ERN1: variants seen among roughly 807,000 people sequenced by gnomAD.
ERN1 encodes endoplasmic reticulum to nucleus signaling 1.
A neutral mutation model predicts 113.1 loss-of-function variants in ERN1; 39 were observed. That is an observed-to-expected ratio of 0.34 (90% CI 0.27 to 0.45). The LOEUF is 0.45. Among genes scored for constraint, ERN1 ranks in the 20% least tolerant of loss-of-function variants. The pLI is 1.00. For missense variants in ERN1, 976 were observed against 1,274.8 expected (o/e 0.77, Z 3.57); for synonymous variants, 507 against 515.9 (o/e 0.98, Z 0.23).
At chr17:64,124,746 T>C (rs1915036975) in intron 1 of ERN1, among the ~76,000 whole-genome samples, 1 of 152,154 alleles carries the variant, frequency 6.6e-6, no homozygotes, top group African/African-American at 2.4e-5. Flanking sequence ...AATGGATAAA[T>C]AAAATGTGGT....
chr17:64,075,184 G>C lies in ERN1; in HGVS notation c.346C>G (p.Leu116Val), dbSNP rs764351883. ...AGACAGGAACTCTTACCCATGTAGA[G>C]GATTCCATCTGAACTTCGGCATGGG... is the stretch of plus-strand genomic sequence containing the variant. ...ASPCRSSDGI[L>V]YMGKKQDIWY... Residue 116 changes from leucine to valine, a missense_variant, in exon 5 of 22, where the codon CTC becomes GTC. By Grantham distance (32) the Leu-to-Val change is conservative. Around this residue, in one of 5 missense-constraint regions of ERN1, gnomAD observed 459 missense variants for 581.2 expected, o/e 0.79. Transcript: ENST00000433197. 2.6e-6 allele frequency: 4 copies of C among 1,540,030 alleles called. No homozygotes were observed. The highest frequency in any genetic ancestry group is 3.5e-6 in the Non-Finnish European group (4 of 1,141,656).
At chr17:64,052,654 G>C in intron 17 of ERN1, 126 bp downstream of exon 17, 1 of 779,822 alleles carries the variant, frequency 1.3e-6, no homozygotes. Flanking sequence ...GAAGCTCTTG[G>C]TGAAAGGAAT....
rs1009646265 is a variant in ERN1, at chr17:64,075,271, A to G, written c.283-24T>C. 17 of 1,471,670 alleles carry G rather than the reference A, an allele frequency of 1.2e-5. No individual in the cohort carries two copies. The Admixed American group carries it at 2.0e-4, about 17-fold the overall frequency. 91.2% of individuals were successfully genotyped at this position (1,471,670 alleles called of 1,614,324 possible). A position where few individuals can be genotyped will look rare whatever the true frequency, so the allele number is the denominator to read the frequency against. On this transcript the variant is annotated intron_variant, in intron 4 of 21. Transcript: ENST00000433197. ...TTCTTTAAAAAAAAAAAAAAAGAAA[A>G]AAAAAAGTTAACCAAGTCTTGTGCA...
At chr17:64,100,394 C>A (rs9916414) in intron 1 of ERN1, among the ~76,000 whole-genome samples, 15,394 of 152,160 alleles carry the variant, frequency 0.1, 1,053 homozygotes, top group African/African-American at 0.2. Context: ...CCTCCACCCC[C>A]CAAAGTTACC....
intron 7 of ERN1, 179 bp from the exon 8 acceptor site, chr17:64,067,111 C>A (rs1598056146): frequency 1.5e-6 from 1 of 654,924 alleles, no homozygotes; most frequent in Admixed American, 2.9e-5. Context: ...TCTGTAATAT[C>A]AAGACACTGA....
At chr17:64,068,476 T>C (rs925294152) in intron 6 of ERN1, among the ~76,000 whole-genome samples, 185 bp from the exon 7 acceptor site, 2 of 152,226 alleles carry the variant, frequency 1.3e-5, no homozygotes, top group African/African-American at 4.8e-5. Context: ...TGAGTGAAAC[T>C]GGCTGACAGC....
At chr17:64,077,383 G>A (rs576960946) in intron 4 of ERN1, among the ~76,000 whole-genome samples, 3 of 152,188 alleles carry the variant, frequency 2.0e-5, no homozygotes, top group African/African-American at 7.2e-5. Flanking sequence ...CCACGTAACC[G>A]GCATCCAGGT....
In ERN1 at chr17:64,044,948, G is replaced by A; in HGVS notation, c.2654-21C>T. 6.6e-7 allele frequency: 1 copy of A among 1,526,320 alleles called. No individual in the cohort carries two copies. The highest frequency in any genetic ancestry group is 1.9e-5 in the Admixed American group (1 of 53,812). The allele number at this position is 1,526,320 out of a possible 1,614,324, so 94.5% of individuals were successfully genotyped here. ...CAGGTCTAGAAAAACATTGAGGGAA[G>A]CAATGGGTAATCAAATTTAAAACTA... is the stretch of plus-strand genomic sequence containing the variant. On this transcript the variant is annotated intron_variant, in intron 20 of 21. Transcript: ENST00000433197. This position sits in a 1 kb window ranked among gnomAD's most constrained non-coding sequence, Gnocchi z 4.1.
At chr17:64,109,592 C>T (rs1272314597) in intron 1 of ERN1, among the ~76,000 whole-genome samples, 1 of 152,194 alleles carries the variant, frequency 6.6e-6, no homozygotes, top group Non-Finnish European at 1.5e-5. Flanking sequence ...CATGCGGTTC[C>T]ACACAATGCA....
At chr17:64,098,052 T>C (rs1323491645) in intron 2 of ERN1, 69 bp downstream of exon 2, 1 of 1,574,328 alleles carries the variant, frequency 6.4e-7, no homozygotes, top group African/African-American at 1.4e-5. Flanking sequence ...TTTCTCTTTC[T>C]CCAGAATATG....
intron 1 of ERN1, among the ~76,000 whole-genome samples, chr17:64,110,941 G>A (rs970318857): frequency 6.6e-6 from 1 of 152,148 alleles, no homozygotes; most frequent in Non-Finnish European, 1.5e-5. Context: ...AACCGGCCAA[G>A]AGCGAACAAC....
intron 15 of ERN1, among the ~76,000 whole-genome samples, chr17:64,053,577 T>C (rs196929): frequency 0.63 from 95,386 of 152,150 alleles, 32,135 homozygotes; most frequent in South Asian, 0.77. Context: ...CTCAAGTTCA[T>C]TGCCTCATAT....
rs188637973 is a variant in ERN1, at chr17:64,126,846, T to C, written c.54+3130A>G. Among the ~76,000 whole-genome samples the C allele has an allele frequency of 2.6e-4, 39 of 152,208 alleles. No individual in the cohort carries two copies. In the East Asian group the frequency reaches 6.4e-3, roughly 25 times the overall value. On this transcript the variant is annotated intron_variant, in intron 1 of 21. Transcript: ENST00000433197. ...TCTATACACACATGATCCTCAGTTC[T>C]CGGTGACTTTTTAAAAACCTCCCTC...
chr17:64,079,784 G>T, intron 3 of ERN1, 50 bp from the exon 4 acceptor site: 1 of 1,482,012 alleles, frequency 6.7e-7, no homozygotes, highest in South Asian at 1.2e-5. Context: ...CCAGGGCATG[G>T]AACAACATAC....
chr17:64,114,265 G>T (rs146692746), intron 1 of ERN1, among the ~76,000 whole-genome samples: 27 of 152,238 alleles, frequency 1.8e-4, no homozygotes, highest in African/African-American at 6.5e-4. Context: ...CAGTCCAATA[G>T]GAGACCCCAG....
In ERN1 at chr17:64,042,630, A is replaced by G. The variant is rs879846423; in HGVS notation, c.*1358T>C. ...TTAACCTCTAAGGCTCTCGGGAGAG[A>G]AAAGACAAAGTTTTGACTGAAACTA... On this transcript the variant is annotated 3_prime_UTR_variant, in exon 22 of 22. Transcript: ENST00000433197. 3 of 152,204 alleles carry G rather than the reference A, an allele frequency of 2.0e-5. No homozygotes were observed. The highest frequency in any genetic ancestry group is 4.4e-5 in the Non-Finnish European group (3 of 68,026). 9.4% of individuals were successfully genotyped at this position (152,204 alleles called of 1,614,324 possible).
chr17:64,104,905 G>A (rs1040745927), intron 1 of ERN1, among the ~76,000 whole-genome samples: 2 of 152,024 alleles, frequency 1.3e-5, no homozygotes, highest in African/African-American at 2.4e-5. Context: ...TCATGCACAC[G>A]TGTTCCATAC....
At chr17:64,118,088 G>A (rs2143498057) in intron 1 of ERN1, among the ~76,000 whole-genome samples, 1 of 152,288 alleles carries the variant, frequency 6.6e-6, no homozygotes, top group South Asian at 2.1e-4. Flanking sequence ...CCCCGTATGA[G>A]GCTGCACCAG....
At chr17:64,109,913 C>T (rs1249989974) in intron 1 of ERN1, among the ~76,000 whole-genome samples, 1 of 152,172 alleles carries the variant, frequency 6.6e-6, no homozygotes, top group Non-Finnish European at 1.5e-5. Flanking sequence ...TTGAATCCTG[C>T]TGGGGTAGAT....
Sources: gnomAD v4.1 joint callset for allele counts (sites outside exome capture counted in the v4.1 genomes callset) on GRCh38, gnomAD v4.1.1 for gene constraint, gnomAD v4.1.1 regional missense constraint, Gnocchi (gnomAD v3.1) non-coding constraint, MANE v1.5 for transcripts, NCBI Gene and HGNC (gene_info 2026-07-23, HGNC 2026-07-21) for gene names.